Variants in ARHGAP21 observed in about 807,000 individuals in gnomAD.
The protein encoded by ARHGAP21 is rho GTPase-activating protein 21.
Under a neutral mutation model 164.6 loss-of-function variants are expected in ARHGAP21, and 38 were observed. The observed-to-expected ratio is 0.23, with a 90% CI of 0.18 to 0.30. The LOEUF (loss-of-function observed/expected upper bound fraction) is 0.30. Ranked by LOEUF, ARHGAP21 falls within the 10% of genes least tolerant of loss-of-function variation. The pLI, the probability that ARHGAP21 is intolerant of heterozygous loss-of-function variation, is 1.00. For synonymous variants in ARHGAP21, 766 were observed against 857.9 expected (o/e 0.89, Z 1.87); for missense variants, 1,822 against 2,370.7 (o/e 0.77, Z 4.81).
chr10:24,633,999 TTC>T lies in ARHGAP21; in HGVS notation c.362-521_362-520del, dbSNP rs1265424612. On this transcript the variant is annotated intron_variant, in intron 5 of 25. Transcript: ENST00000396432. ...ACCTCTGCCTCCCGGGTTCAAGCAA[TTC>T]TCTTTCTACTCTGAGTAGAGTAGGA... Among the ~76,000 whole-genome samples, 5 of 142,024 alleles carry T rather than the reference TTC, an allele frequency of 3.5e-5. No homozygotes were observed. In the South Asian group the frequency reaches 1.2e-3, roughly 34 times the overall value. 93.2% of individuals were successfully genotyped at this position (142,024 alleles called of 152,430 possible).
At chr10:24,611,673 C>G (rs2077268901) in intron 9 of ARHGAP21, among the ~76,000 whole-genome samples, 1 of 151,492 alleles carries the variant, frequency 6.6e-6, no homozygotes, top group African/African-American at 2.4e-5. Context: ...CACTGCCCGA[C>G]TCCAGCCTGG....
chr10:24,596,129 A>G (rs758066775), intron 17 of ARHGAP21, 86 bp from the exon 18 acceptor site: 4 of 1,159,946 alleles, frequency 3.4e-6, no homozygotes, highest in East Asian at 2.6e-5. Flanking sequence ...CCTTTCATCC[A>G]AAAGGAAACA....
chr10:24,680,493 G>T (rs1228787089), intron 2 of ARHGAP21, among the ~76,000 whole-genome samples: 1 of 151,994 alleles, frequency 6.6e-6, no homozygotes, highest in Non-Finnish European at 1.5e-5. Flanking sequence ...GTTTTACTGG[G>T]CTCTTTACAC....
intron 21 of ARHGAP21, among the ~76,000 whole-genome samples, chr10:24,593,437 T>C (rs1362314053): frequency 6.6e-6 from 1 of 152,220 alleles, no homozygotes; most frequent in Non-Finnish European, 1.5e-5. Context: ...CTCTTGACTA[T>C]GATTTATGTT....
chr10:24,719,885 G>A (rs1845766801), intron 2 of ARHGAP21, among the ~76,000 whole-genome samples: 1 of 152,096 alleles, frequency 6.6e-6, no homozygotes, highest in Non-Finnish European at 1.5e-5. Flanking sequence ...TCCCAACCCT[G>A]AGGTTTTAAA....
chr10:24,628,952 CTATATATATATATATATA>C (rs71397962), intron 7 of ARHGAP21: 2 of 13,764 alleles, frequency 1.5e-4, no homozygotes, highest in African/African-American at 3.9e-4. Flanking sequence ...CACACACACA[CTATATATATATATATATA>C]TATATATATA....
intron 2 of ARHGAP21, among the ~76,000 whole-genome samples, chr10:24,706,323 T>C (rs1177132096): frequency 2.0e-5 from 3 of 152,208 alleles, no homozygotes; most frequent in African/African-American, 7.2e-5. Flanking sequence ...CTTAATTCTT[T>C]TAAAGTAATT....
intron 7 of ARHGAP21, among the ~76,000 whole-genome samples, chr10:24,627,979 G>A (rs1835305727): frequency 6.6e-6 from 1 of 152,184 alleles, no homozygotes; most frequent in Non-Finnish European, 1.5e-5. Context: ...TCGGAAAACA[G>A]TTCAGTTTCA....
intron 7 of ARHGAP21, among the ~76,000 whole-genome samples, chr10:24,627,721 A>G (rs1318958604): frequency 6.6e-6 from 1 of 152,218 alleles, no homozygotes; most frequent in Non-Finnish European, 1.5e-5. Flanking sequence ...CTATTCTAGA[A>G]TATGAATGAG....
chr10:24,609,887 T>C (rs946800732), intron 9 of ARHGAP21, among the ~76,000 whole-genome samples: 13 of 152,242 alleles, frequency 8.5e-5, no homozygotes, highest in Non-Finnish European at 1.6e-4. Flanking sequence ...GCTGTCACAC[T>C]TTCAAATGAC....
chr10:24,671,776 G>A (rs1194303396), intron 2 of ARHGAP21, among the ~76,000 whole-genome samples: 3 of 148,582 alleles, frequency 2.0e-5, no homozygotes, highest in African/African-American at 7.5e-5. Context: ...GGGCTGGAGT[G>A]CAGTGCCATG....
intron 2 of ARHGAP21, among the ~76,000 whole-genome samples, chr10:24,688,945 T>G (rs1360085024): frequency 2.0e-5 from 3 of 152,140 alleles, no homozygotes; most frequent in African/African-American, 7.2e-5. Context: ...AGAACAGAAA[T>G]TCAATATACA....
intron 2 of ARHGAP21, among the ~76,000 whole-genome samples, chr10:24,703,060 T>C (rs1172670403): frequency 6.6e-6 from 1 of 152,156 alleles, no homozygotes; most frequent in Non-Finnish European, 1.5e-5. Flanking sequence ...TATATAGGCA[T>C]TGAAAATGAT....
At chr10:24,590,530 C>A in intron 24 of ARHGAP21, 1 of 1,522,256 alleles carries the variant, frequency 6.6e-7, no homozygotes, top group South Asian at 1.2e-5. Context: ...CTGAAAAAAC[C>A]CTTTAGGACT....
intron 2 of ARHGAP21, 92 bp downstream of exon 2, chr10:24,721,745 G>A (rs1565219532): frequency 2.3e-5 from 34 of 1,456,268 alleles, no homozygotes; most frequent in Non-Finnish European, 3.1e-5. Flanking sequence ...GAAGCCCCTA[G>A]TGAGGCCCCG....
intron 1 of ARHGAP21, chr10:24,723,355 C>T (rs1846120488): frequency 6.7e-6 from 1 of 149,686 alleles, no homozygotes; most frequent in Non-Finnish European, 1.5e-5. Context: ...CTTCCCTCCG[C>T]CCCGCCGCCC....
At chr10:24,589,610 AAAG>A (rs2076250581) in intron 24 of ARHGAP21, 1 of 307,208 alleles carries the variant, frequency 3.3e-6, no homozygotes, top group Non-Finnish European at 5.9e-6. Flanking sequence ...ATCTAGCAAT[AAAG>A]AAGCTTCAGG....
At chr10:24,617,786 C>T (rs901401617) in intron 9 of ARHGAP21, among the ~76,000 whole-genome samples, 2 of 151,792 alleles carry the variant, frequency 1.3e-5, no homozygotes, top group African/African-American at 2.4e-5. Flanking sequence ...AAAATGTTCC[C>T]GTAGAAAAGA....
At chr10:24,644,621 C>T (rs1450186368) in intron 4 of ARHGAP21, among the ~76,000 whole-genome samples, 1 of 152,170 alleles carries the variant, frequency 6.6e-6, no homozygotes, top group Non-Finnish European at 1.5e-5. Context: ...CTAATGAATT[C>T]TCTAAGACAA....
Sources: gnomAD v4.1 joint callset for allele counts (sites outside exome capture counted in the v4.1 genomes callset) on GRCh38, gnomAD v4.1.1 for gene constraint, MANE v1.5 for transcripts, NCBI Gene and HGNC (gene_info 2026-07-23, HGNC 2026-07-21) for gene names.